The following GABRG3 variants were observed in gnomAD, a reference collection of about 807,000 sequenced individuals.
The protein encoded by GABRG3 is gamma-aminobutyric acid type A receptor subunit gamma3, also known as gamma-aminobutyric acid receptor subunit gamma-3.
Under a neutral mutation model 48.8 loss-of-function variants are expected in GABRG3, and 25 were observed. The ratio of observed to expected loss-of-function variants is 0.51; its 90% CI spans 0.37 to 0.72. GABRG3 has a LOEUF of 0.72. Among genes scored for constraint, GABRG3 ranks in the 30% least tolerant of loss-of-function variants. The probability of loss-of-function intolerance (pLI) is 0.00; values close to 1 mark genes in which losing one functional copy is unlikely to be tolerated. For missense variants in GABRG3, 394 were observed against 577.9 expected (o/e 0.68, Z 3.26); for synonymous variants, 227 against 217.6 (o/e 1.04, Z -0.38).
chr15:27,489,598 G>C (rs569036268), intron 6 of GABRG3, among the ~76,000 whole-genome samples: 1 of 152,180 alleles, frequency 6.6e-6, no homozygotes, highest in Admixed American at 6.5e-5. Context: ...ATCTCATTGT[G>C]GTCTTGATTT....
At chr15:27,377,918 G>A (rs1278706503) in intron 5 of GABRG3, among the ~76,000 whole-genome samples, 1 of 152,078 alleles carries the variant, frequency 6.6e-6, no homozygotes, top group African/African-American at 2.4e-5. Context: ...TGAGGCTTTT[G>A]TGCTAGAACA....
At chr15:27,443,781 G>T (rs73367330) in intron 5 of GABRG3, among the ~76,000 whole-genome samples, 6,065 of 152,088 alleles carry the variant, frequency 0.04, 339 homozygotes, top group African/African-American at 0.12. Context: ...TAGTTGGAGG[G>T]TTTTGTCAGG....
chr15:27,046,033 G>A (rs1424141711), intron 3 of GABRG3, among the ~76,000 whole-genome samples: 1 of 152,236 alleles, frequency 6.6e-6, no homozygotes, highest in Non-Finnish European at 1.5e-5. Flanking sequence ...AAGCGTCACG[G>A]AAGTGTGAAG....
At chr15:27,086,848 G>C (rs914409184) in intron 3 of GABRG3, among the ~76,000 whole-genome samples, 1 of 152,210 alleles carries the variant, frequency 6.6e-6, no homozygotes, top group African/African-American at 2.4e-5. Flanking sequence ...GGCCTGCTGG[G>C]TGAAGCACTT....
intron 5 of GABRG3, among the ~76,000 whole-genome samples, chr15:27,372,732 T>A (rs776028779): frequency 1.3e-4 from 20 of 152,188 alleles, no homozygotes; most frequent in Non-Finnish European, 2.4e-4. Context: ...GTTACTGTCA[T>A]TGTGCCTGTT....
intron 3 of GABRG3, among the ~76,000 whole-genome samples, chr15:27,182,299 G>A (rs1382249690): frequency 1.3e-5 from 2 of 152,230 alleles, no homozygotes; most frequent in South Asian, 2.1e-4. Flanking sequence ...TTACTCACTC[G>A]TCGTGTTAGG....
intron 5 of GABRG3, among the ~76,000 whole-genome samples, chr15:27,339,597 T>C (rs1047404131): frequency 6.6e-6 from 1 of 152,202 alleles, no homozygotes; most frequent in Non-Finnish European, 1.5e-5. Flanking sequence ...CCTGCTAAGA[T>C]GACAGTGAAG....
intron 3 of GABRG3, among the ~76,000 whole-genome samples, chr15:27,325,465 C>G (rs990950725): frequency 6.6e-6 from 1 of 152,198 alleles, no homozygotes; most frequent in African/African-American, 2.4e-5. Flanking sequence ...ATTTGCTCCC[C>G]CAACTGCACA....
intron 9 of GABRG3, among the ~76,000 whole-genome samples, chr15:27,528,709 T>C: frequency 3.0e-5 from 1 of 32,850 alleles, no homozygotes; most frequent in African/African-American, 9.6e-5. Context: ...CTATTGACAA[T>C]ATTGTCACTC....
intron 3 of GABRG3, among the ~76,000 whole-genome samples, chr15:27,250,214 A>G (rs1890410770): frequency 6.6e-6 from 1 of 152,076 alleles, no homozygotes; most frequent in Admixed American, 6.6e-5. Flanking sequence ...GAGCACCATC[A>G]GCTCCTCCCT....
chr15:27,481,109 C>T (rs577949746), intron 6 of GABRG3: 19 of 1,113,540 alleles, frequency 1.7e-5, no homozygotes, highest in East Asian at 4.9e-5. Context: ...CAAATTTCCA[C>T]GTACATAAGA....
At chr15:27,044,660 G>C (rs921217514) in intron 3 of GABRG3, among the ~76,000 whole-genome samples, 3 of 152,198 alleles carry the variant, frequency 2.0e-5, no homozygotes, top group Non-Finnish European at 4.4e-5. Context: ...AATCATGAAG[G>C]GGGCAGGCCC....
At chr15:27,037,860 C>G (rs905824580) in intron 3 of GABRG3, among the ~76,000 whole-genome samples, 4 of 152,130 alleles carry the variant, frequency 2.6e-5, no homozygotes, top group Admixed American at 2.6e-4. Flanking sequence ...AGTGTTTGTC[C>G]AAGATCATGG....
chr15:27,370,068 G>A (rs1895355640), intron 5 of GABRG3, among the ~76,000 whole-genome samples: 1 of 152,110 alleles, frequency 6.6e-6, no homozygotes, highest in South Asian at 2.1e-4. Context: ...GAAAAACAAA[G>A]CCATTCTTTA....
chr15:27,316,617 A>T (rs950630531), intron 3 of GABRG3, among the ~76,000 whole-genome samples: 1 of 152,194 alleles, frequency 6.6e-6, no homozygotes, highest in Non-Finnish European at 1.5e-5. Flanking sequence ...GTCCAAGAGG[A>T]TACTCTACGC....
chr15:27,351,736 GTGTA>G (rs952440225), intron 5 of GABRG3, among the ~76,000 whole-genome samples: 5 of 150,536 alleles, frequency 3.3e-5, no homozygotes, highest in Non-Finnish European at 5.9e-5. Context: ...ATATATATGT[GTGTA>G]TGTATGAGTG....
intron 5 of GABRG3, among the ~76,000 whole-genome samples, chr15:27,360,202 A>T (rs1894975607): frequency 6.6e-6 from 1 of 152,058 alleles, no homozygotes; most frequent in African/African-American, 2.4e-5. Flanking sequence ...GGCTGGGGAG[A>T]CCCTGTAAAC....
chr15:27,472,263 A>ATTTCT (rs759874738), intron 5 of GABRG3, among the ~76,000 whole-genome samples: 18 of 151,826 alleles, frequency 1.2e-4, no homozygotes, highest in East Asian at 1.9e-4. Context: ...ATATGTAAAC[A>ATTTCT]TTTCTTTTCT....
At chr15:27,053,945 G>A (rs993746253) in intron 3 of GABRG3, among the ~76,000 whole-genome samples, 6 of 152,210 alleles carry the variant, frequency 3.9e-5, no homozygotes, top group Non-Finnish European at 8.8e-5. Context: ...ACATAAAGAT[G>A]GGAATAGACA....
Sources: allele counts gnomAD v4.1 joint callset (sites outside exome capture counted in the v4.1 genomes callset), GRCh38; gene constraint gnomAD v4.1.1; transcripts MANE v1.5; gene names NCBI Gene and HGNC (gene_info 2026-07-23, HGNC 2026-07-21).